NKAIN3: variants seen among roughly 807,000 people sequenced by gnomAD.
NKAIN3 encodes sodium/potassium-transporting ATPase subunit beta-1-interacting protein 3.
A neutral mutation model predicts 30.2 loss-of-function variants in NKAIN3; 25 were observed. That is an observed-to-expected ratio of 0.83 (90% CI 0.60 to 1.16). The LOEUF is 1.16. Ranked by LOEUF, NKAIN3 falls within the 50% of genes most tolerant of loss-of-function variation. NKAIN3 has a pLI of 0.00. For synonymous variants in NKAIN3, 91 were observed against 89.6 expected (o/e 1.02, Z -0.09); for missense variants, 225 against 254.1 (o/e 0.89, Z 0.78).
intron 4 of NKAIN3, among the ~76,000 whole-genome samples, chr8:62,761,067 T>A (rs1038370544): frequency 6.6e-6 from 1 of 152,178 alleles, no homozygotes; most frequent in Non-Finnish European, 1.5e-5. Context: ...CCTAGAAGGA[T>A]TTTTTAAAAT....
chr8:62,932,626 C>T (rs570748705), intron 5 of NKAIN3, among the ~76,000 whole-genome samples: 19 of 152,330 alleles, frequency 1.2e-4, no homozygotes, highest in Admixed American at 1.2e-3. Context: ...TTACTGGGTA[C>T]ATTCAGTTCA....
chr8:62,870,213 T>C (rs1248250661), intron 4 of NKAIN3, among the ~76,000 whole-genome samples: 1 of 145,330 alleles, frequency 6.9e-6, no homozygotes, highest in Non-Finnish European at 1.5e-5. Flanking sequence ...ATTTTGTATA[T>C]ATATATCTAT....
chr8:62,704,890 A>C (rs1202421082), intron 3 of NKAIN3, among the ~76,000 whole-genome samples: 1 of 152,180 alleles, frequency 6.6e-6, no homozygotes, highest in Non-Finnish European at 1.5e-5. Context: ...TGAGTGAATA[A>C]ATGATTAATA....
chr8:62,313,795 T>C (rs1814527257), intron 1 of NKAIN3, among the ~76,000 whole-genome samples: 1 of 152,170 alleles, frequency 6.6e-6, no homozygotes, highest in South Asian at 2.1e-4. Context: ...CACAAGGCAC[T>C]AAGTTCACAT....
At chr8:62,255,210 G>T (rs994130604) in intron 1 of NKAIN3, among the ~76,000 whole-genome samples, 1 of 152,164 alleles carries the variant, frequency 6.6e-6, no homozygotes, top group Non-Finnish European at 1.5e-5. Flanking sequence ...GACACAGAGA[G>T]ATAAAAATCA....
At chr8:62,578,702 C>T (rs570908262) in intron 1 of NKAIN3, among the ~76,000 whole-genome samples, 4 of 151,828 alleles carry the variant, frequency 2.6e-5, no homozygotes, top group Non-Finnish European at 2.9e-5. Context: ...GTGTCACAAG[C>T]CTGGAGTTCT....
At chr8:62,516,402 G>A (rs1013085941) in intron 1 of NKAIN3, among the ~76,000 whole-genome samples, 3 of 152,008 alleles carry the variant, frequency 2.0e-5, no homozygotes, top group African/African-American at 7.2e-5. Context: ...TACACCAGCA[G>A]CATGCATCTA....
chr8:62,791,771 CTTCATAACAGT>C (rs541674122), intron 4 of NKAIN3, among the ~76,000 whole-genome samples: 54 of 152,070 alleles, frequency 3.6e-4, no homozygotes, highest in South Asian at 1.4e-3. Context: ...TATTATCCAT[CTTCATAACAGT>C]TTCCAGAAAA....
intron 3 of NKAIN3, among the ~76,000 whole-genome samples, chr8:62,690,731 G>A (rs1287372855): frequency 6.6e-6 from 1 of 152,180 alleles, no homozygotes; most frequent in Non-Finnish European, 1.5e-5. Context: ...CATGCCACAT[G>A]AGCAAAACGG....
intron 4 of NKAIN3, among the ~76,000 whole-genome samples, chr8:62,754,368 A>G (rs543482626): frequency 1.2e-3 from 185 of 151,750 alleles, no homozygotes; most frequent in African/African-American, 4.3e-3. Context: ...TAGTGCACAC[A>G]CACACACACA....
intron 4 of NKAIN3, among the ~76,000 whole-genome samples, chr8:62,811,842 A>T (rs1381044972): frequency 6.6e-6 from 1 of 152,012 alleles, no homozygotes; most frequent in South Asian, 2.1e-4. Flanking sequence ...TCATCCTCTT[A>T]ATAGGGTCTT....
intron 4 of NKAIN3, among the ~76,000 whole-genome samples, chr8:62,747,933 G>T (rs187258664): frequency 1.3e-5 from 2 of 152,218 alleles, no homozygotes; most frequent in East Asian, 3.9e-4. Flanking sequence ...AGACTCAATA[G>T]TAAATAAATA....
intron 1 of NKAIN3, among the ~76,000 whole-genome samples, chr8:62,333,105 A>G (rs1815410327): frequency 6.6e-6 from 1 of 152,132 alleles, no homozygotes; most frequent in African/African-American, 2.4e-5. Context: ...ATTTTCCATT[A>G]CACAAGTACA....
rs964630099 is a variant in NKAIN3 at position 62,809,587 on chromosome 8, G to T, written c.471+62458G>T. 6.3e-4 allele frequency among the ~76,000 whole-genome samples: 96 copies of T among 152,194 alleles called. 1 individual carries two copies. The highest frequency in any genetic ancestry group is 7.2e-4 in the Non-Finnish European group (49 of 68,002). On this transcript the variant is annotated intron_variant, in intron 4 of 6. Transcript: ENST00000623646. ...AAATACTTGACTCACAGTTTCATAGGAAAACAATTGTATAGGTTCTTAAGT... is the reference window on the plus strand; with the variant it reads ...AAATACTTGACTCACAGTTTCATAGTAAAACAATTGTATAGGTTCTTAAGT...
At chr8:62,788,889 T>C (rs183304033) in intron 4 of NKAIN3, among the ~76,000 whole-genome samples, 242 of 152,306 alleles carry the variant, frequency 1.6e-3, no homozygotes, top group Non-Finnish European at 7.9e-4. Flanking sequence ...GTTCCATTGG[T>C]CTATATCTGT....
chr8:62,623,099 T>C (rs919622620), intron 3 of NKAIN3, among the ~76,000 whole-genome samples: 1 of 151,928 alleles, frequency 6.6e-6, no homozygotes, highest in Non-Finnish European at 1.5e-5. Context: ...ATATATTGAG[T>C]GAAAATAAAC....
chr8:62,780,924 A>C (rs1817336161), intron 4 of NKAIN3, among the ~76,000 whole-genome samples: 1 of 152,000 alleles, frequency 6.6e-6, no homozygotes, highest in Admixed American at 6.6e-5. Flanking sequence ...CATAGTATAG[A>C]ACCTCCTTAG....
intron 3 of NKAIN3, among the ~76,000 whole-genome samples, chr8:62,689,298 G>T (rs1035122059): frequency 2.0e-5 from 3 of 152,070 alleles, no homozygotes; most frequent in African/African-American, 7.2e-5. Flanking sequence ...CTGTCTAGCT[G>T]CCCTAGGCTC....
At chr8:62,298,263 G>T (rs1186712343) in intron 1 of NKAIN3, among the ~76,000 whole-genome samples, 1 of 152,124 alleles carries the variant, frequency 6.6e-6, no homozygotes, top group African/African-American at 2.4e-5. Flanking sequence ...CATCGCACAT[G>T]TATACATATG....
Sources: gnomAD v4.1 joint callset for allele counts (sites outside exome capture counted in the v4.1 genomes callset) on GRCh38, gnomAD v4.1.1 for gene constraint, MANE v1.5 for transcripts, NCBI Gene and HGNC (gene_info 2026-07-23, HGNC 2026-07-21) for gene names.